The following TAFA5 variants were observed in gnomAD, a reference collection of about 807,000 sequenced individuals.
The protein encoded by TAFA5 is TAFA chemokine like family member 5.
TAFA5 carries 6 observed loss-of-function variants against 15.3 expected under a neutral mutation model. That is an observed-to-expected ratio of 0.39 (90% CI 0.21 to 0.77). The LOEUF (loss-of-function observed/expected upper bound fraction) is 0.77, where lower values mean the gene tolerates loss of function less well. TAFA5 is among the 30% of genes least tolerant of loss of function. The pLI is 0.41. For synonymous variants in TAFA5, 103 were observed against 80.7 expected (o/e 1.28, Z -1.48); for missense variants, 161 against 193.1 (o/e 0.83, Z 0.98).
chr22:48,581,332 G>A (rs906679305), intron 1 of TAFA5, among the ~76,000 whole-genome samples: 3 of 152,228 alleles, frequency 2.0e-5, no homozygotes, highest in Admixed American at 1.3e-4. Flanking sequence ...GTGGACGGAC[G>A]GGGCCAGCTG....
intron 3 of TAFA5, among the ~76,000 whole-genome samples, chr22:48,739,866 C>T (rs1037648911): frequency 3.3e-5 from 5 of 152,170 alleles, no homozygotes; most frequent in African/African-American, 4.8e-5. Context: ...CTTTATTCCC[C>T]GGCGCGAGGC....
At chr22:48,710,149 C>T (rs1031575777) in intron 3 of TAFA5, among the ~76,000 whole-genome samples, 1 of 152,100 alleles carries the variant, frequency 6.6e-6, no homozygotes. Context: ...CTGTGCAGCT[C>T]TGCAGCCGCT....
intron 1 of TAFA5, among the ~76,000 whole-genome samples, chr22:48,506,708 G>A (rs1422576834): frequency 1.3e-5 from 2 of 152,214 alleles, no homozygotes; most frequent in Non-Finnish European, 2.9e-5. Context: ...ACGCCACTGC[G>A]CTCAGGGCAC....
chr22:48,509,112 G>C (rs1002217227), intron 1 of TAFA5, among the ~76,000 whole-genome samples: 1 of 152,230 alleles, frequency 6.6e-6, no homozygotes, highest in Non-Finnish European at 1.5e-5. Flanking sequence ...GCCCTCCGGA[G>C]TCATGCCTGC....
chr22:48,573,904 G>C (rs1281902305), intron 1 of TAFA5, among the ~76,000 whole-genome samples: 1 of 152,188 alleles, frequency 6.6e-6, no homozygotes, highest in Non-Finnish European at 1.5e-5. Flanking sequence ...TCCTGATTGA[G>C]GTCCCTTTGG....
rs1329024283 is a variant in TAFA5, at chr22:48,552,942, G to A, written c.112+63238G>A. 1.3e-5 allele frequency among the ~76,000 whole-genome samples: 2 copies of A among 152,090 alleles called. No homozygotes were observed. Among genetic ancestry groups the A allele is most frequent in the Non-Finnish European group, 2.9e-5 (2 of 68,002 alleles). On this transcript the variant is annotated intron_variant, in intron 1 of 3. Transcript: ENST00000402357. This position sits in a 1 kb window ranked among gnomAD's most constrained non-coding sequence, Gnocchi z 4.1. ...CAGAATACCCCAGAGACTCAGACCT[G>A]GGGCTGATCTGAGGGGGGCTCGTCC...
intron 1 of TAFA5, among the ~76,000 whole-genome samples, chr22:48,522,837 G>A (rs1488869869): frequency 1.3e-5 from 2 of 152,368 alleles, no homozygotes; most frequent in South Asian, 2.1e-4. Flanking sequence ...ACTCTGGCTG[G>A]GAGGCCTCCC....
chr22:48,672,991 C>G (rs563277311), intron 2 of TAFA5, among the ~76,000 whole-genome samples: 2 of 152,294 alleles, frequency 1.3e-5, no homozygotes, highest in Non-Finnish European at 1.5e-5. Context: ...CAGTGTGGAA[C>G]AGACAAAAAC....
intron 1 of TAFA5, chr22:48,544,657 G>C: frequency 2.1e-6 from 1 of 470,664 alleles, no homozygotes; most frequent in Non-Finnish European, 4.4e-6. Flanking sequence ...GGCCTGATGT[G>C]CACTAAGCAC....
At chr22:48,580,438 G>T (rs574809820) in intron 1 of TAFA5, among the ~76,000 whole-genome samples, 1 of 152,184 alleles carries the variant, frequency 6.6e-6, no homozygotes, top group Non-Finnish European at 1.5e-5. Flanking sequence ...CACAGTTCCC[G>T]GCCCTAAGAC....
At chr22:48,704,442 A>G (rs1186738585) in intron 2 of TAFA5, among the ~76,000 whole-genome samples, 1 of 152,082 alleles carries the variant, frequency 6.6e-6, no homozygotes, top group Non-Finnish European at 1.5e-5. Flanking sequence ...AACAGACAAG[A>G]AAAGGGGCCC....
At chr22:48,592,466 C>T (rs1339379690) in intron 1 of TAFA5, among the ~76,000 whole-genome samples, 1 of 152,246 alleles carries the variant, frequency 6.6e-6, no homozygotes, top group Non-Finnish European at 1.5e-5. Flanking sequence ...GCACTCAGCT[C>T]TCTGCTGTCC....
At chr22:48,693,815 G>A (rs1189275755) in intron 2 of TAFA5, among the ~76,000 whole-genome samples, 1 of 152,166 alleles carries the variant, frequency 6.6e-6, no homozygotes, top group Non-Finnish European at 1.5e-5. Flanking sequence ...CAGCTGTGGG[G>A]TGTGGTCAGC....
intron 1 of TAFA5, among the ~76,000 whole-genome samples, chr22:48,622,156 G>A (rs1175220759): frequency 2.0e-5 from 3 of 152,138 alleles, no homozygotes; most frequent in East Asian, 3.8e-4. Context: ...GAACCCAGGG[G>A]TACCGGGGGC....
At chr22:48,531,927 C>T (rs142014751) in intron 1 of TAFA5, among the ~76,000 whole-genome samples, 211 of 152,340 alleles carry the variant, frequency 1.4e-3, no homozygotes, top group African/African-American at 4.9e-3. Context: ...AGGCACACCA[C>T]GGACAGGACT....
At chr22:48,723,929 A>G (rs1929642037) in intron 3 of TAFA5, among the ~76,000 whole-genome samples, 1 of 152,082 alleles carries the variant, frequency 6.6e-6, no homozygotes, top group South Asian at 2.1e-4. Context: ...GAATGTCTAC[A>G]TGCCCGATTA....
At chr22:48,611,122 A>T (rs570438839) in intron 1 of TAFA5, among the ~76,000 whole-genome samples, 12 of 152,198 alleles carry the variant, frequency 7.9e-5, no homozygotes, top group African/African-American at 2.9e-4. Context: ...TTCAGTAGAG[A>T]CGGGGTTTCA....
chr22:48,732,594 G>A (rs768207241), intron 3 of TAFA5, among the ~76,000 whole-genome samples: 1 of 152,220 alleles, frequency 6.6e-6, no homozygotes, highest in Non-Finnish European at 1.5e-5. Flanking sequence ...CCCTGGTGAA[G>A]ATGCTGTGAA....
intron 2 of TAFA5, among the ~76,000 whole-genome samples, chr22:48,691,511 T>C (rs1928540411): frequency 6.6e-6 from 1 of 152,164 alleles, no homozygotes; most frequent in South Asian, 2.1e-4. Flanking sequence ...GCCTGTGTGC[T>C]GAGCACCCAG....
Sources: gnomAD v4.1 joint callset for allele counts (sites outside exome capture counted in the v4.1 genomes callset) on GRCh38, gnomAD v4.1.1 for gene constraint, Gnocchi (gnomAD v3.1) non-coding constraint, MANE v1.5 for transcripts, NCBI Gene and HGNC (gene_info 2026-07-23, HGNC 2026-07-21) for gene names.